Variants in ARHGAP28 observed in about 807,000 individuals in gnomAD.
ARHGAP28 encodes the protein rho GTPase-activating protein 28.
In ARHGAP28, 56 loss-of-function variants were observed where a neutral mutation model predicts 90.7. That is an observed-to-expected ratio of 0.62 (90% CI 0.50 to 0.77). The LOEUF is 0.77. ARHGAP28 is among the 30% of genes least tolerant of loss of function. The pLI is 0.00. For synonymous variants in ARHGAP28, 308 were observed against 323.3 expected, an observed-to-expected ratio of 0.95 and a Z score of 0.51; for missense variants, 869 against 900.9, an observed-to-expected ratio of 0.96 and a Z score of 0.45.
chr18:6,846,901 A>G (rs1035671131), intron 3 of ARHGAP28, among the ~76,000 whole-genome samples: 2 of 152,182 alleles, frequency 1.3e-5, no homozygotes, highest in African/African-American at 2.4e-5. Flanking sequence ...ACAGCAGTTT[A>G]TTAGTCACGT....
chr18:6,864,389 T>C lies in ARHGAP28; in HGVS notation c.727-3761T>C, dbSNP rs189847826. Among the ~76,000 whole-genome samples, 58 of 152,308 alleles carry C rather than the reference T, an allele frequency of 3.8e-4. 1 individual carries two copies. The highest frequency in any genetic ancestry group is 2.1e-4 in the Non-Finnish European group (14 of 68,016). ...TGTTTAATTTTTTAATGGATGTAAT[T>C]TAAGGGTTAGATTATTTTCTATCCC... On this transcript the variant is annotated intron_variant, in intron 5 of 17. Coordinates refer to ENST00000383472, the MANE Select transcript of ARHGAP28 (RefSeq NM_001366230.1).
chr18:6,872,204 T>A (rs763086922), intron 7 of ARHGAP28, among the ~76,000 whole-genome samples: 1 of 152,202 alleles, frequency 6.6e-6, no homozygotes, highest in Non-Finnish European at 1.5e-5. Flanking sequence ...TTCTGAGGTT[T>A]GGCTCTTCCC....
At chr18:6,874,362 G>A (rs185518922) in intron 9 of ARHGAP28, among the ~76,000 whole-genome samples, 2 of 152,160 alleles carry the variant, frequency 1.3e-5, no homozygotes, top group South Asian at 2.1e-4. Flanking sequence ...GTGGAAGGAG[G>A]TTTCGAAAAT....
intron 2 of ARHGAP28, among the ~76,000 whole-genome samples, chr18:6,828,460 A>G (rs868608047): frequency 6.6e-6 from 1 of 152,202 alleles, no homozygotes; most frequent in South Asian, 2.1e-4. Flanking sequence ...TTGTTTTTAT[A>G]GAAATTGCCT....
At chr18:6,885,066 A>G (rs1040751319) in intron 11 of ARHGAP28, among the ~76,000 whole-genome samples, 7 of 152,290 alleles carry the variant, frequency 4.6e-5, no homozygotes, top group East Asian at 1.9e-4. Flanking sequence ...TCAGAGACCA[A>G]TTATCTTCTG....
At chr18:6,764,724 G>T (rs2056187230) in intron 1 of ARHGAP28, among the ~76,000 whole-genome samples, 2 of 152,252 alleles carry the variant, frequency 1.3e-5, no homozygotes, top group South Asian at 4.1e-4. Context: ...CTCTTGTAAG[G>T]TTATTCTGCA....
chr18:6,787,219 TA>T (rs11350947), intron 1 of ARHGAP28, among the ~76,000 whole-genome samples: 18,033 of 94,490 alleles, frequency 0.19, 1,441 homozygotes, highest in African/African-American at 0.27. Flanking sequence ...AAACTCCATT[TA>T]AAAAAAAAAA....
intron 1 of ARHGAP28, among the ~76,000 whole-genome samples, chr18:6,809,829 GGCCTTTT>G (rs1446372884): frequency 6.6e-6 from 1 of 152,074 alleles, no homozygotes; most frequent in East Asian, 1.9e-4. Flanking sequence ...CAAAGGGCTA[GGCCTTTT>G]TGTTCATTGC....
At chr18:6,898,778 T>G in intron 16 of ARHGAP28, 1 of 1,239,354 alleles carries the variant, frequency 8.1e-7, no homozygotes, top group Non-Finnish European at 1.0e-6. Flanking sequence ...TCTTAGTAAC[T>G]CAGGAATGGA....
intron 16 of ARHGAP28, among the ~76,000 whole-genome samples, chr18:6,902,076 C>G (rs1020326768): frequency 2.6e-5 from 4 of 152,114 alleles, no homozygotes; most frequent in African/African-American, 9.7e-5. Context: ...TGCAAATACC[C>G]TATTTCCAAA....
At chr18:6,823,622 G>C (rs1196035332) in intron 1 of ARHGAP28, among the ~76,000 whole-genome samples, 2 of 123,600 alleles carry the variant, frequency 1.6e-5, no homozygotes, top group Non-Finnish European at 3.3e-5. Flanking sequence ...TTTTTTTTTG[G>C]CTTTAAGAAC....
intron 1 of ARHGAP28, among the ~76,000 whole-genome samples, chr18:6,758,074 A>G (rs1194320408): frequency 2.0e-5 from 3 of 152,144 alleles, no homozygotes; most frequent in South Asian, 2.1e-4. Context: ...TCCCAAGTTT[A>G]TTGGTGAAAG....
chr18:6,806,776 G>A lies in ARHGAP28; in HGVS notation c.123-17986G>A, dbSNP rs138577115. Among the ~76,000 whole-genome samples, 495 of 151,792 alleles carry A rather than the reference G, an allele frequency of 3.3e-3. 3 individuals carry two copies. Among genetic ancestry groups the A allele is most frequent in the African/African-American group, 0.011 (471 of 41,410 alleles). On this transcript the variant is annotated intron_variant, in intron 1 of 17. Transcript: ENST00000383472. ...TTTCCTTCTGCTTGAAGGATTTCCT[G>A]TAACATTTCTTATGGGGAAGATCTG...
chr18:6,751,094 A>G (rs1171180779), intron 1 of ARHGAP28, among the ~76,000 whole-genome samples: 3 of 152,172 alleles, frequency 2.0e-5, no homozygotes, highest in Admixed American at 2.0e-4. Context: ...AGTACCTAGC[A>G]ACGTACCCTA....
At chr18:6,901,542 A>T (rs947416135) in intron 16 of ARHGAP28, among the ~76,000 whole-genome samples, 68 of 30,324 alleles carry the variant, frequency 2.2e-3, no homozygotes, top group African/African-American at 4.9e-3. Flanking sequence ...TGATATGATA[A>T]AAAAAAAAAA....
intron 3 of ARHGAP28, among the ~76,000 whole-genome samples, chr18:6,849,458 A>G (rs192007665): frequency 6.6e-6 from 1 of 152,124 alleles, no homozygotes; most frequent in African/African-American, 2.4e-5. Flanking sequence ...ACTACGTAGA[A>G]CAGTAAAAAT....
intron 1 of ARHGAP28, among the ~76,000 whole-genome samples, chr18:6,796,455 G>A (rs2056442656): frequency 6.6e-6 from 1 of 151,802 alleles, no homozygotes; most frequent in African/African-American, 2.4e-5. Context: ...CTTCAAAGAT[G>A]CCAACATCAT....
At position 6,730,216 on chromosome 18, in the gene ARHGAP28, C is replaced by CATATATATATATAT. The variant is rs1555621909; in HGVS notation, c.122+275_122+276insATATATATATATAT. The CATATATATATATAT allele has an allele frequency of 5.7e-5, 6 of 105,592 alleles. 1 individual carries two copies. Among genetic ancestry groups the CATATATATATATAT allele is most frequent in the African/African-American group, 3.5e-4 (6 of 16,980 alleles). The allele number at this position is 105,592 out of a possible 1,614,324, so 6.5% of individuals were successfully genotyped here. On this transcript the variant is annotated intron_variant, in intron 1 of 17. Coordinates refer to ENST00000383472, the MANE Select transcript of ARHGAP28 (RefSeq NM_001366230.1). ...TTCTTGATACGATTTGAGGATAAGT[C>CATATATATATATAT]ATGTGTATATATATATATATACCTC... is the stretch of plus-strand genomic sequence containing the variant.
chr18:6,859,771 G>A (rs1239398926), intron 4 of ARHGAP28, 37 bp from the exon 5 acceptor site: 1 of 1,583,362 alleles, frequency 6.3e-7, no homozygotes, highest in South Asian at 1.1e-5. Context: ...GAAAGTATTT[G>A]CCTGAATAAG....
Sources: allele counts gnomAD v4.1 joint callset (sites outside exome capture counted in the v4.1 genomes callset), GRCh38; gene constraint gnomAD v4.1.1; transcripts MANE v1.5; gene names NCBI Gene and HGNC (gene_info 2026-07-23, HGNC 2026-07-21).